The following RNF17 variants were observed in gnomAD, a reference collection of about 807,000 sequenced individuals.
The protein encoded by RNF17 is ring finger protein 17.
RNF17 carries 31 observed loss-of-function variants against 200.5 expected under a neutral mutation model. The observed-to-expected ratio is 0.15, with a 90% CI of 0.12 to 0.21. The LOEUF (loss-of-function observed/expected upper bound fraction) is 0.21. Among genes scored for constraint, RNF17 ranks in the 10% least tolerant of loss-of-function variants. The probability of loss-of-function intolerance (pLI) is 1.00; values close to 1 mark genes in which losing one functional copy is unlikely to be tolerated. For synonymous variants in RNF17, 606 were observed against 637.8 expected, an observed-to-expected ratio of 0.95 and a Z score of 0.75; for missense variants, 1,628 against 1,905.1, an observed-to-expected ratio of 0.85 and a Z score of 2.71.
downstream of RNF17, among the ~76,000 whole-genome samples, chr13:24,880,309 ACAGCCTGGGG>A (rs1438973091): frequency 6.6e-6 from 1 of 152,178 alleles, no homozygotes; most frequent in Non-Finnish European, 1.5e-5. Context: ...TAGCATGAGA[ACAGCCTGGGG>A]AAACCACCCC....
chr13:24,788,103 A>C lies in RNF17; in HGVS notation c.727A>C (p.Ile243Leu). The C allele has an allele frequency of 6.3e-7, 1 of 1,597,090 alleles. No individual in the cohort carries two copies. ...KKNNLNAAMNIARALQLSPSL... is the reference protein window; with the variant it reads ...KKNNLNAAMNLARALQLSPSL... ...AAATAATTTGAATGCAGCTATGAACATAGCAAGAGCATTACAATTATCGCC... is the reference window on the plus strand; with the variant it reads ...AAATAATTTGAATGCAGCTATGAACCTAGCAAGAGCATTACAATTATCGCC... Residue 243 changes from isoleucine to leucine, a missense_variant, in exon 7 of 36, where the codon ATA becomes CTA. Around this residue, in one of 5 missense-constraint regions of RNF17, gnomAD observed 502 missense variants for 501.7 expected, o/e 1.00. Transcript: ENST00000255324.
the RNF17 span, among the ~76,000 whole-genome samples, chr13:24,754,184 A>T: frequency 1.3e-5 from 2 of 151,880 alleles, no homozygotes; most frequent in African/African-American, 4.8e-5. Flanking sequence ...AAAATAAAAT[A>T]AAATAAATAG....
Position 24,862,499 on chromosome 13 carries a change from GT to G in RNF17, c.3895-211del, listed in dbSNP as rs1893199530. Among the ~76,000 whole-genome samples, 4 of 151,918 alleles carry G rather than the reference GT, an allele frequency of 2.6e-5. No individual in the cohort carries two copies. The South Asian group carries it at 6.2e-4, about 24-fold the overall frequency. ...TGTTTTCTCACCTCTGGCTGAACAG[GT>G]TTATATTTTTAAAGCATAAAATGAG... On this transcript the variant is annotated intron_variant, in intron 27 of 35. Coordinates refer to ENST00000255324, the MANE Select transcript of RNF17 (RefSeq NM_031277.3).
the RNF17 span, among the ~76,000 whole-genome samples, chr13:24,748,155 A>G: frequency 2.0e-5 from 3 of 152,270 alleles, no homozygotes; most frequent in Non-Finnish European, 4.4e-5. Context: ...GTCCTGGAAG[A>G]AAGCACTCTG....
At chr13:24,881,577 G>A (rs1020117980), downstream of RNF17, among the ~76,000 whole-genome samples, 1 of 151,626 alleles carries the variant, frequency 6.6e-6, no homozygotes, top group African/African-American at 2.4e-5. Flanking sequence ...TATCTCAGGA[G>A]AGGTAAGGAT....
intron 10 of RNF17, 61 bp from the exon 11 acceptor site, chr13:24,796,076 G>T: frequency 7.6e-7 from 1 of 1,310,808 alleles, no homozygotes; most frequent in African/African-American, 1.5e-5. Flanking sequence ...TGGTTGTTCA[G>T]CTTTCATGAA....
At chr13:24,758,845 G>C in the RNF17 span, among the ~76,000 whole-genome samples, 3 of 152,032 alleles carry the variant, frequency 2.0e-5, no homozygotes, top group Admixed American at 6.6e-5. Context: ...GGGAGGCCAA[G>C]GTGGGCGGAT....
intron 25 of RNF17, among the ~76,000 whole-genome samples, chr13:24,855,582 C>T (rs1033773518): frequency 4.0e-5 from 6 of 151,768 alleles, no homozygotes; most frequent in African/African-American, 7.3e-5. Flanking sequence ...GAGCCCAGAT[C>T]GTGCCACTGC....
At chr13:24,882,117 T>TAGATACATCTATATAGAC (rs1566273450), downstream of RNF17, among the ~76,000 whole-genome samples, 125 of 27,644 alleles carry the variant, frequency 4.5e-3, 54 homozygotes, top group East Asian at 0.052. Context: ...TATAGATATA[T>TAGATACATCTATATAGAC]AGATACATCT....
chr13:24,809,688 G>A (rs971007578), intron 15 of RNF17, among the ~76,000 whole-genome samples: 64 of 152,022 alleles, frequency 4.2e-4, no homozygotes, highest in Non-Finnish European at 7.5e-4. Flanking sequence ...GCTAGCTTTC[G>A]AATGTGTTTG....
At chr13:24,796,016 G>A (rs1444369880) in intron 10 of RNF17, 121 bp from the exon 11 acceptor site, 3 of 591,370 alleles carry the variant, frequency 5.1e-6, no homozygotes, top group Non-Finnish European at 5.5e-6. Context: ...GCCGACGTGC[G>A]ATATTCCCAG....
In RNF17 at chr13:24,868,693, A is replaced by G; in HGVS notation, c.4255A>G (p.Lys1419Glu). ...AGGAGAACTCTATGCTGTTCAAGTT[A>G]AGCACGTTGTCTCACCTAATGAAGT... The part of the protein sequence containing the change: ...SPGELYAVQV[K>E]HVVSPNEVYI... Residue 1419 changes from lysine to glutamate, a missense_variant, in exon 31 of 36, where the codon AAG becomes GAG. Transcript: ENST00000255324. 1 of 1,576,152 alleles carries G rather than the reference A, an allele frequency of 6.3e-7. No individual in the cohort carries two copies. Among genetic ancestry groups the G allele is most frequent in the Non-Finnish European group, 8.7e-7 (1 of 1,145,968 alleles).
intron 16 of RNF17, among the ~76,000 whole-genome samples, chr13:24,829,750 T>TA (rs1170993307): frequency 5.3e-5 from 8 of 152,242 alleles, no homozygotes; most frequent in Non-Finnish European, 2.9e-5. Context: ...TAGTGTGTGA[T>TA]ACGTCTTTTT....
At chr13:24,868,777 C>T (rs1354750675) in intron 31 of RNF17, 61 bp downstream of exon 31, 22 of 897,798 alleles carry the variant, frequency 2.5e-5, no homozygotes, top group Non-Finnish European at 3.9e-5. Context: ...TGGTCTTAAA[C>T]ACTATAAGTG....
In RNF17 at chr13:24,844,736, G is replaced by C. The variant is rs770074907; in HGVS notation, c.2916G>C (p.Lys972Asn). ...KWENDMHCAV[K>N]IQDKNQWRRG... ...AAAATGATATGCACTGTGCTGTTAA[G>C]ATCCAAGATAAAAATCAGTGGCGAA... Residue 972 changes from lysine to asparagine, a missense_variant, in exon 21 of 36, where the codon AAG (lysine) becomes AAC (asparagine). Lys to Asn is a moderately conservative substitution (Grantham distance 94). Coordinates refer to ENST00000255324, the MANE Select transcript of RNF17 (RefSeq NM_031277.3). 1.9e-6 allele frequency: 3 copies of C among 1,613,648 alleles called. No homozygotes were observed. In the Admixed American group the frequency reaches 5.0e-5, roughly 27 times the overall value.
At chr13:24,873,389 G>A (rs1894507430) in intron 32 of RNF17, among the ~76,000 whole-genome samples, 1 of 152,140 alleles carries the variant, frequency 6.6e-6, no homozygotes, top group Non-Finnish European at 1.5e-5. Context: ...TGGATTGTGA[G>A]CCTATATTTG....
intron 17 of RNF17, among the ~76,000 whole-genome samples, chr13:24,831,550 AT>A (rs1889403970): frequency 6.6e-6 from 1 of 152,228 alleles, no homozygotes; most frequent in Admixed American, 6.5e-5. Flanking sequence ...CAGTTATAGA[AT>A]CAGACTATAA....
chr13:24,763,459 T>C (rs978563095), upstream of RNF17, among the ~76,000 whole-genome samples: 5 of 151,258 alleles, frequency 3.3e-5, no homozygotes, highest in African/African-American at 7.3e-5. Flanking sequence ...CCTCGTGATC[T>C]GCCCGCCCTG....
intron 26 of RNF17, among the ~76,000 whole-genome samples, chr13:24,860,881 C>CTTTT (rs57385609): frequency 6.9e-6 from 1 of 144,274 alleles, no homozygotes; most frequent in Non-Finnish European, 1.5e-5. Flanking sequence ...TTTCAGATGT[C>CTTTT]TTTTTTTTTT....
Sources: gnomAD v4.1 joint callset for allele counts (sites outside exome capture counted in the v4.1 genomes callset) on GRCh38, gnomAD v4.1.1 for gene constraint, gnomAD v4.1.1 regional missense constraint, MANE v1.5 for transcripts, NCBI Gene and HGNC (gene_info 2026-07-23, HGNC 2026-07-21) for gene names.